ANKS1B: variants seen among roughly 807,000 people sequenced by gnomAD.
ANKS1B encodes the protein ankyrin repeat and sterile alpha motif domain-containing protein 1B.
In ANKS1B, 36 loss-of-function variants were observed where a neutral mutation model predicts 148.3. That is an observed-to-expected ratio of 0.24 (90% CI 0.19 to 0.32). The LOEUF is 0.32. Ranked by LOEUF, ANKS1B falls within the 10% of genes least tolerant of loss-of-function variation. ANKS1B has a pLI of 1.00. For synonymous variants in ANKS1B, 542 were observed against 560.8 expected (o/e 0.97, Z 0.47); for missense variants, 1,157 against 1,542.6 (o/e 0.75, Z 4.19).
chr12:98,747,962 G>T (rs1348183874), intron 26 of ANKS1B, among the ~76,000 whole-genome samples: 1 of 152,178 alleles, frequency 6.6e-6, no homozygotes, highest in Non-Finnish European at 1.5e-5. Flanking sequence ...AGAAGGGAGA[G>T]TAGGGATGAA....
At chr12:99,048,860 T>C (rs1260927410) in intron 17 of ANKS1B, 1 of 152,212 alleles carries the variant, frequency 6.6e-6, no homozygotes, top group Non-Finnish European at 1.5e-5. Flanking sequence ...GGGGTGGAGT[T>C]GGTAGAGTCC....
intron 1 of ANKS1B, among the ~76,000 whole-genome samples, chr12:99,853,048 T>C (rs2088245329): frequency 6.6e-6 from 1 of 151,982 alleles, no homozygotes; most frequent in Non-Finnish European, 1.5e-5. Flanking sequence ...CTTTCCCCCA[T>C]AGCAGCCACA....
intron 16 of ANKS1B, among the ~76,000 whole-genome samples, chr12:99,057,411 C>T (rs967355086): frequency 6.6e-6 from 1 of 152,186 alleles, no homozygotes; most frequent in Non-Finnish European, 1.5e-5. Flanking sequence ...GGCTGCTAGT[C>T]TTTTCAGCTT....
chr12:99,822,151 C>CA (rs1327325375), intron 2 of ANKS1B, among the ~76,000 whole-genome samples: 8 of 151,546 alleles, frequency 5.3e-5, no homozygotes, highest in South Asian at 2.1e-4. Context: ...TCAATAATGA[C>CA]AAAAAAAATG....
At chr12:98,835,386 C>T (rs1195934080) in intron 17 of ANKS1B, among the ~76,000 whole-genome samples, 1 of 152,146 alleles carries the variant, frequency 6.6e-6, no homozygotes, top group African/African-American at 2.4e-5. Context: ...GTGCTTATTC[C>T]AGTGAATGGG....
intron 14 of ANKS1B, among the ~76,000 whole-genome samples, chr12:99,185,829 A>T (rs2079765995): frequency 6.6e-6 from 1 of 152,222 alleles, no homozygotes; most frequent in Non-Finnish European, 1.5e-5. Context: ...TTGGGCAGAC[A>T]CCGAGTTAGC....
chr12:99,537,636 C>T (rs2097084980), intron 9 of ANKS1B, among the ~76,000 whole-genome samples: 1 of 152,090 alleles, frequency 6.6e-6, no homozygotes, highest in African/African-American at 2.4e-5. Flanking sequence ...TGTTCGCACA[C>T]TCTATATATT....
At chr12:99,760,434 C>A (rs1488509810) in intron 8 of ANKS1B, among the ~76,000 whole-genome samples, 1 of 151,828 alleles carries the variant, frequency 6.6e-6, no homozygotes, top group Non-Finnish European at 1.5e-5. Context: ...AACTAAACAA[C>A]TTGCTACTGA....
At chr12:99,317,235 T>C (rs935535369) in intron 12 of ANKS1B, among the ~76,000 whole-genome samples, 4 of 152,240 alleles carry the variant, frequency 2.6e-5, no homozygotes, top group African/African-American at 9.6e-5. Context: ...GGGAATGGCA[T>C]TGAATCTATA....
At chr12:98,867,631 C>T (rs1030203215) in intron 17 of ANKS1B, among the ~76,000 whole-genome samples, 1 of 152,070 alleles carries the variant, frequency 6.6e-6, no homozygotes. Context: ...GAGGCTGAGG[C>T]GGGCAGATCA....
chr12:99,433,853 C>T (rs989060093), intron 11 of ANKS1B, among the ~76,000 whole-genome samples: 7 of 152,046 alleles, frequency 4.6e-5, no homozygotes, highest in Non-Finnish European at 8.8e-5. Flanking sequence ...TCAATGAACT[C>T]CATCAGTGAA....
intron 12 of ANKS1B, among the ~76,000 whole-genome samples, chr12:99,350,584 A>G (rs1266692069): frequency 1.3e-5 from 2 of 152,074 alleles, no homozygotes; most frequent in African/African-American, 4.8e-5. Context: ...CAAAAGCTAA[A>G]AAGTGGAAAA....
intron 8 of ANKS1B, among the ~76,000 whole-genome samples, chr12:99,771,372 AAAAAATTAGGGCTTTCAG>A (rs2063176310): frequency 6.6e-6 from 1 of 152,076 alleles, no homozygotes; most frequent in Non-Finnish European, 1.5e-5. Flanking sequence ...ACCCTGGTCT[AAAAAATTAGGGCTTTCAG>A]AATATCTGTG....
chr12:99,945,996 G>A (rs1442623747), intron 1 of ANKS1B, among the ~76,000 whole-genome samples: 1 of 152,182 alleles, frequency 6.6e-6, no homozygotes, highest in African/African-American at 2.4e-5. Context: ...AGTGTAGAAT[G>A]CAGAGCCAAT....
At chr12:99,105,780 A>C (rs989555667) in intron 15 of ANKS1B, among the ~76,000 whole-genome samples, 5 of 151,790 alleles carry the variant, frequency 3.3e-5, no homozygotes, top group South Asian at 2.1e-4. Flanking sequence ...AAAAAAAAAA[A>C]AAAAAAAAAC....
At position 98,829,225 on chromosome 12, in the gene ANKS1B, T is replaced by C; in HGVS notation, c.3015A>G (p.Glu1005=). 1 of 1,614,036 alleles carries C rather than the reference T, an allele frequency of 6.2e-7. No individual in the cohort carries two copies. Among genetic ancestry groups the C allele is most frequent in the Non-Finnish European group, 8.5e-7 (1 of 1,179,894 alleles). ...MQGDARRRRN[E]NYFDDIPRSK... is the part of the protein sequence containing the mutation. ...ATCGGGGAATATCATCAAAGTAGTT[T>C]TCATTTCTTCTCCTCCTTGCATCGC... is the stretch of plus-strand genomic sequence containing the variant. Residue 1005 remains glutamate (E), a synonymous_variant, in exon 19 of 27, where the codon GAA becomes GAG. Transcript: ENST00000683438. This position sits in a 1 kb window ranked among gnomAD's most constrained non-coding sequence, Gnocchi z 5.2.
intron 9 of ANKS1B, among the ~76,000 whole-genome samples, chr12:99,554,164 C>A (rs2097252852): frequency 6.6e-6 from 1 of 152,056 alleles, no homozygotes; most frequent in South Asian, 2.1e-4. Flanking sequence ...AGCCTACAGC[C>A]AAAAGAGATC....
chr12:99,202,495 T>A (rs930373060), intron 14 of ANKS1B, among the ~76,000 whole-genome samples: 9 of 152,214 alleles, frequency 5.9e-5, no homozygotes, highest in African/African-American at 2.2e-4. Context: ...GTCAAGCAGT[T>A]AGTTTACTGT....
chr12:99,578,473 A>C (rs1455034741), intron 9 of ANKS1B, among the ~76,000 whole-genome samples: 1 of 152,182 alleles, frequency 6.6e-6, no homozygotes, highest in African/African-American at 2.4e-5. Context: ...TCTCTGCCCA[A>C]AAGCTCCTAG....
Sources: allele counts gnomAD v4.1 joint callset (sites outside exome capture counted in the v4.1 genomes callset), GRCh38; gene constraint gnomAD v4.1.1; non-coding constraint Gnocchi (gnomAD v3.1); transcripts MANE v1.5; gene names NCBI Gene and HGNC (gene_info 2026-07-23, HGNC 2026-07-21).